GPC5: variants seen among roughly 807,000 people sequenced by gnomAD.
GPC5 encodes glypican 5.
GPC5 carries 47 observed loss-of-function variants against 53.9 expected under a neutral mutation model. The observed-to-expected ratio is 0.87, with a 90% CI of 0.69 to 1.11. The LOEUF (loss-of-function observed/expected upper bound fraction) is 1.11. Ranked by LOEUF, GPC5 falls within the 50% of genes most tolerant of loss-of-function variation. The pLI is 0.00. For synonymous variants in GPC5, 286 were observed against 263.3 expected (o/e 1.09, Z -0.84); for missense variants, 748 against 713.1 (o/e 1.05, Z -0.56).
intron 7 of GPC5, among the ~76,000 whole-genome samples, chr13:92,544,935 A>G (rs1882051009): frequency 6.6e-6 from 1 of 151,662 alleles, no homozygotes; most frequent in Non-Finnish European, 1.5e-5. Context: ...TTTTTTTATT[A>G]TACTTTAAGT....
chr13:92,100,857 T>C (rs2041460787), intron 6 of GPC5, among the ~76,000 whole-genome samples: 1 of 152,210 alleles, frequency 6.6e-6, no homozygotes, highest in African/African-American at 2.4e-5. Context: ...CAAGGAATCT[T>C]TATTACTATG....
chr13:92,738,636 AC>A (rs1236856816), intron 7 of GPC5, among the ~76,000 whole-genome samples: 39 of 152,132 alleles, frequency 2.6e-4, no homozygotes, highest in Admixed American at 2.6e-3. Context: ...TGTTGATAAG[AC>A]CAACTCTTGA....
Position 92,144,954 on chromosome 13 carries a change from G to A in GPC5, c.1526G>A (p.Ser509Asn), listed in dbSNP as rs775230396. 6.4e-6 allele frequency: 10 copies of A among 1,570,478 alleles called. No individual in the cohort carries two copies. The South Asian group carries it at 9.5e-5, about 15-fold the overall frequency. The change falls in exon 7 of 8, where the codon AGT becomes AAT. Residue 509 changes from serine to asparagine, a missense_variant. Transcript: ENST00000377067. The stretch of plus-strand genomic sequence containing the variant: ...GAAGATGGTTGCGGGGGATCAGGAA[G>A]TGGAGAAGTCAAGAGGACACTGAAG... ...DDEDGCGGSG[S>N]GEVKRTLKIT...
chr13:92,094,633 A>AAC (rs1402029132), intron 6 of GPC5, among the ~76,000 whole-genome samples: 1 of 151,894 alleles, frequency 6.6e-6, no homozygotes, highest in African/African-American at 2.4e-5. Flanking sequence ...AACAGAATGT[A>AAC]ACAAACTATA....
intron 5 of GPC5, among the ~76,000 whole-genome samples, chr13:91,776,914 C>G (rs937522338): frequency 6.6e-6 from 1 of 152,220 alleles, no homozygotes; most frequent in African/African-American, 2.4e-5. Context: ...AATTAAATCT[C>G]TCTCCATAAT....
At chr13:92,697,775 G>C (rs1887601525) in intron 7 of GPC5, among the ~76,000 whole-genome samples, 1 of 152,162 alleles carries the variant, frequency 6.6e-6, no homozygotes, top group Admixed American at 6.5e-5. Flanking sequence ...TCTTGTGCCA[G>C]TTTTCAAAGG....
intron 2 of GPC5, among the ~76,000 whole-genome samples, chr13:91,510,900 A>C (rs1885199108): frequency 6.6e-6 from 1 of 152,100 alleles, no homozygotes; most frequent in Non-Finnish European, 1.5e-5. Context: ...CTGGAGAATT[A>C]ATGAGGCTTA....
chr13:92,748,963 T>TATCA (rs1162177836), intron 7 of GPC5, among the ~76,000 whole-genome samples: 1 of 152,338 alleles, frequency 6.6e-6, no homozygotes, highest in East Asian at 1.9e-4. Flanking sequence ...ATCAAAAGAA[T>TATCA]ATCAGTTTCT....
chr13:91,955,494 C>T (rs1046774276), intron 6 of GPC5, among the ~76,000 whole-genome samples: 1 of 152,102 alleles, frequency 6.6e-6, no homozygotes, highest in Non-Finnish European at 1.5e-5. Flanking sequence ...ACAGGAAACA[C>T]CCAAATCAAG....
intron 7 of GPC5, among the ~76,000 whole-genome samples, chr13:92,627,717 G>A (rs1221790229): frequency 6.6e-6 from 1 of 152,160 alleles, no homozygotes; most frequent in Non-Finnish European, 1.5e-5. Context: ...AATCCAAGGA[G>A]CAGTTGCTAA....
In GPC5 at chr13:91,928,094, G is replaced by A. The variant is rs370123637; in HGVS notation, c.1401+20037G>A. Among the ~76,000 whole-genome samples the A allele has an allele frequency of 9.7e-4, 148 of 152,244 alleles. 2 individuals are homozygous for A. In the South Asian group the frequency reaches 0.029, roughly 29 times the overall value. ...TATTCTCCATCTGTTCTCAGTTACT[G>A]AGCTATTAGACTCAACTGAATGATC... On this transcript the variant is annotated intron_variant, in intron 6 of 7. Coordinates refer to ENST00000377067, the MANE Select transcript of GPC5 (RefSeq NM_004466.6).
chr13:92,437,228 G>A (rs952712787), intron 7 of GPC5, among the ~76,000 whole-genome samples: 3 of 152,058 alleles, frequency 2.0e-5, no homozygotes, highest in Admixed American at 6.6e-5. Context: ...CAATAGAATC[G>A]GCCCTTTTAA....
intron 2 of GPC5, among the ~76,000 whole-genome samples, chr13:91,607,085 G>T (rs2033393757): frequency 6.6e-6 from 1 of 152,050 alleles, no homozygotes; most frequent in African/African-American, 2.4e-5. Flanking sequence ...TTTCTCTTGT[G>T]GAGAGTCATT....
chr13:92,803,073 A>AAAAT (rs1876967775), intron 7 of GPC5, among the ~76,000 whole-genome samples: 3 of 151,962 alleles, frequency 2.0e-5, no homozygotes, highest in Non-Finnish European at 2.9e-5. Context: ...TTACCTTAGG[A>AAAAT]AAATGGAAAA....
At chr13:91,728,430 G>A in intron 3 of GPC5, 102 bp from the exon 4 acceptor site, 1 of 1,106,156 alleles carries the variant, frequency 9.0e-7, no homozygotes, top group Non-Finnish European at 1.3e-6. Context: ...ATATTGAGGT[G>A]AAAGCAAAAA....
chr13:91,839,120 A>C lies in GPC5; in HGVS notation c.1281-68817A>C, dbSNP rs147805141. On this transcript the variant is annotated intron_variant, in intron 5 of 7. Coordinates refer to ENST00000377067, the MANE Select transcript of GPC5 (RefSeq NM_004466.6). ...CTAACTCACATTTTTTGGTAATTTC[A>C]TAATATTCAATAATATGCTTTTGCC... Among the ~76,000 whole-genome samples the C allele has an allele frequency of 4.0e-3, 602 of 152,296 alleles. 7 individuals carry two copies. Among genetic ancestry groups the C allele is most frequent in the African/African-American group, 0.014 (574 of 41,558 alleles).
chr13:92,862,810 A>G (rs1879225649), intron 7 of GPC5, among the ~76,000 whole-genome samples: 1 of 152,220 alleles, frequency 6.6e-6, no homozygotes, highest in African/African-American at 2.4e-5. Context: ...GTTCTTGTCC[A>G]TGCAATTTTA....
intron 5 of GPC5, among the ~76,000 whole-genome samples, chr13:91,808,390 A>G (rs2038256235): frequency 6.6e-6 from 1 of 152,078 alleles, no homozygotes; most frequent in Non-Finnish European, 1.5e-5. Flanking sequence ...AACATATTCC[A>G]TCTGTTGAGC....
intron 7 of GPC5, among the ~76,000 whole-genome samples, chr13:92,369,378 A>C (rs1459878972): frequency 6.6e-6 from 1 of 152,134 alleles, no homozygotes; most frequent in East Asian, 1.9e-4. Flanking sequence ...AGGTTTTGCC[A>C]TGTTGGCCAG....
Sources: gnomAD v4.1 joint callset for allele counts (sites outside exome capture counted in the v4.1 genomes callset) on GRCh38, gnomAD v4.1.1 for gene constraint, MANE v1.5 for transcripts, NCBI Gene and HGNC (gene_info 2026-07-23, HGNC 2026-07-21) for gene names.